NECAB1: variants seen among roughly 807,000 people sequenced by gnomAD.
The protein encoded by NECAB1 is N-terminal EF-hand calcium-binding protein 1.
In NECAB1, 29 loss-of-function variants were observed where a neutral mutation model predicts 57.5. That is an observed-to-expected ratio of 0.50 (90% CI 0.38 to 0.69). The LOEUF (loss-of-function observed/expected upper bound fraction) is 0.69, where lower values mean the gene tolerates loss of function less well. Among genes scored for constraint, NECAB1 ranks in the 30% least tolerant of loss-of-function variants. The probability of loss-of-function intolerance (pLI) is 0.00; values close to 1 mark genes in which losing one functional copy is unlikely to be tolerated. For synonymous variants in NECAB1, 142 were observed against 147.7 expected, an observed-to-expected ratio of 0.96 and a Z score of 0.28; for missense variants, 372 against 413.8, an observed-to-expected ratio of 0.90 and a Z score of 0.88.
intron 3 of NECAB1, among the ~76,000 whole-genome samples, chr8:90,838,418 A>G (rs936736326): frequency 6.6e-6 from 1 of 152,222 alleles, no homozygotes; most frequent in South Asian, 2.1e-4. Context: ...ACTAATAAAA[A>G]CAAATAAGAC....
At chr8:90,897,831 G>C (rs1809395475) in intron 5 of NECAB1, among the ~76,000 whole-genome samples, 1 of 152,162 alleles carries the variant, frequency 6.6e-6, no homozygotes, top group Non-Finnish European at 1.5e-5. Flanking sequence ...TGAAATAAAT[G>C]AAGAATGCCT....
intron 9 of NECAB1, among the ~76,000 whole-genome samples, chr8:90,935,181 T>A (rs1810505964): frequency 6.6e-6 from 1 of 152,154 alleles, no homozygotes; most frequent in African/African-American, 2.4e-5. Flanking sequence ...GGAAATAACC[T>A]TTCATCTCTG....
At chr8:90,952,547 G>T (rs1810942518) in intron 12 of NECAB1, among the ~76,000 whole-genome samples, 1 of 152,156 alleles carries the variant, frequency 6.6e-6, no homozygotes, top group Admixed American at 6.5e-5. Flanking sequence ...GGGAGGCTGA[G>T]GTGGGCGGAT....
intron 5 of NECAB1, among the ~76,000 whole-genome samples, chr8:90,905,348 G>A (rs543587098): frequency 6.6e-6 from 1 of 152,286 alleles, no homozygotes; most frequent in South Asian, 2.1e-4. Context: ...TTGGGCAATT[G>A]TGACTTATCT....
chr8:90,828,472 CTAA>C (rs1193685872), intron 3 of NECAB1, among the ~76,000 whole-genome samples: 11 of 152,012 alleles, frequency 7.2e-5, no homozygotes, highest in African/African-American at 2.4e-4. Context: ...TAATCTCACT[CTAA>C]TGAGAATTCC....
intron 3 of NECAB1, among the ~76,000 whole-genome samples, chr8:90,846,554 G>T (rs1812562143): frequency 6.6e-6 from 1 of 152,148 alleles, no homozygotes; most frequent in African/African-American, 2.4e-5. Flanking sequence ...AGCTATGACT[G>T]GTCTGCAGTC....
intron 3 of NECAB1, among the ~76,000 whole-genome samples, chr8:90,847,070 A>C (rs1159505759): frequency 6.6e-6 from 1 of 152,220 alleles, no homozygotes; most frequent in African/African-American, 2.4e-5. Context: ...CTCAAGTCCA[A>C]AGTCTCATCT....
At chr8:90,898,458 C>A (rs904027538) in intron 5 of NECAB1, among the ~76,000 whole-genome samples, 1 of 152,180 alleles carries the variant, frequency 6.6e-6, no homozygotes, top group Admixed American at 6.5e-5. Flanking sequence ...AAAATTAACA[C>A]ATTTGATATT....
chr8:90,893,794 G>T (rs1220788624), intron 5 of NECAB1, among the ~76,000 whole-genome samples: 7 of 152,070 alleles, frequency 4.6e-5, no homozygotes, highest in African/African-American at 1.7e-4. Flanking sequence ...GAAAAGAAAG[G>T]GATTAGCAGT....
intron 3 of NECAB1, among the ~76,000 whole-genome samples, chr8:90,866,043 A>G (rs28610471): frequency 6.6e-6 from 1 of 152,116 alleles, no homozygotes; most frequent in African/African-American, 2.4e-5. Flanking sequence ...ATTAAGAACA[A>G]CTCAAAAATA....
intron 3 of NECAB1, among the ~76,000 whole-genome samples, chr8:90,829,119 C>T (rs185925924): frequency 5.7e-4 from 86 of 152,110 alleles, no homozygotes; most frequent in East Asian, 1.2e-3. Flanking sequence ...TTTAAACTCA[C>T]GTTTTTCTCA....
At chr8:90,921,011 G>GT (rs962941734) in intron 6 of NECAB1, among the ~76,000 whole-genome samples, 6 of 152,062 alleles carry the variant, frequency 3.9e-5, no homozygotes, top group African/African-American at 1.4e-4. Context: ...AAATTCACCA[G>GT]TTTTTTGTTT....
chr8:90,898,286 A>C (rs1006322143), intron 5 of NECAB1, among the ~76,000 whole-genome samples: 1 of 152,206 alleles, frequency 6.6e-6, no homozygotes, highest in East Asian at 1.9e-4. Flanking sequence ...CCCCTCTTCC[A>C]TCACTACCAC....
At chr8:90,862,075 A>T (rs953333511) in intron 3 of NECAB1, among the ~76,000 whole-genome samples, 2 of 152,222 alleles carry the variant, frequency 1.3e-5, no homozygotes, top group African/African-American at 4.8e-5. Context: ...AGTTATATTC[A>T]TTCAATAGAG....
chr8:90,792,311 G>T (rs979309222), intron 1 of NECAB1, among the ~76,000 whole-genome samples: 1 of 152,200 alleles, frequency 6.6e-6, no homozygotes, highest in African/African-American at 2.4e-5. Context: ...GGTGTGGGGG[G>T]TGAGGTGGGG....
At chr8:90,835,875 A>G (rs541177639) in intron 3 of NECAB1, among the ~76,000 whole-genome samples, 1 of 152,372 alleles carries the variant, frequency 6.6e-6, no homozygotes, top group South Asian at 2.1e-4. Flanking sequence ...GCAAAAGCAC[A>G]TTGCTGGTGA....
chr8:90,845,116 C>T (rs563393695), intron 3 of NECAB1, among the ~76,000 whole-genome samples: 1 of 152,254 alleles, frequency 6.6e-6, no homozygotes, highest in Admixed American at 6.5e-5. Context: ...TTGGATAAGG[C>T]TTGCCCACAT....
intron 1 of NECAB1, among the ~76,000 whole-genome samples, chr8:90,793,245 G>A (rs1012732680): frequency 1.3e-5 from 2 of 152,268 alleles, no homozygotes; most frequent in African/African-American, 4.8e-5. Context: ...TTTAATTCTA[G>A]GGAAAGAAAC....
intron 3 of NECAB1, among the ~76,000 whole-genome samples, chr8:90,836,048 T>C (rs2129732801): frequency 6.6e-6 from 1 of 152,314 alleles, no homozygotes; most frequent in East Asian, 1.9e-4. Flanking sequence ...TTGAATGCTA[T>C]TGCTATATTA....
Sources: allele counts gnomAD v4.1 joint callset (sites outside exome capture counted in the v4.1 genomes callset), GRCh38; gene constraint gnomAD v4.1.1; transcripts MANE v1.5; gene names NCBI Gene and HGNC (gene_info 2026-07-23, HGNC 2026-07-21).